RBFOX1: variants seen among roughly 807,000 people sequenced by gnomAD.
The protein encoded by RBFOX1 is RNA binding fox-1 homolog 1.
Under a neutral mutation model 57.7 loss-of-function variants are expected in RBFOX1, and 8 were observed. The observed-to-expected ratio is 0.14, with a 90% CI of 0.08 to 0.25. The LOEUF is 0.25. Ranked by LOEUF, RBFOX1 falls within the 10% of genes least tolerant of loss-of-function variation. The pLI is 1.00. For synonymous variants in RBFOX1, 326 were observed against 222.4 expected, an observed-to-expected ratio of 1.47 and a Z score of -4.15; for missense variants, 611 against 548.5, an observed-to-expected ratio of 1.11 and a Z score of -1.14.
intron 5 of RBFOX1, among the ~76,000 whole-genome samples, chr16:7,565,500 T>TGA (rs1232791230): frequency 1.3e-5 from 2 of 152,192 alleles, no homozygotes; most frequent in African/African-American, 2.4e-5. Context: ...CTCTGCAGAC[T>TGA]GAGAGAGGGG....
intron 1 of RBFOX1, among the ~76,000 whole-genome samples, chr16:6,228,450 C>CAT (rs2097433500): frequency 6.6e-6 from 1 of 151,332 alleles, no homozygotes; most frequent in Non-Finnish European, 1.5e-5. Context: ...CACACACATA[C>CAT]ATATACATGC....
chr16:6,724,156 A>G (rs1256032177), intron 3 of RBFOX1, among the ~76,000 whole-genome samples: 1 of 151,736 alleles, frequency 6.6e-6, no homozygotes, highest in Non-Finnish European at 1.5e-5. Flanking sequence ...GAGGCTTTAC[A>G]GACCTCCTTG....
At chr16:6,918,281 CAAAA>C (rs71147626) in intron 3 of RBFOX1, among the ~76,000 whole-genome samples, 2 of 126,162 alleles carry the variant, frequency 1.6e-5, no homozygotes, top group Non-Finnish European at 1.7e-5. Flanking sequence ...GACTCCATCT[CAAAA>C]AAAAAAAAAA....
At chr16:5,560,838 C>A (rs4786709) in intron 2 of RBFOX1, among the ~76,000 whole-genome samples, 1 of 151,874 alleles carries the variant, frequency 6.6e-6, no homozygotes, top group Non-Finnish European at 1.5e-5. Context: ...TTCACACTGT[C>A]CACCCATCCT....
chr16:7,227,481 T>C (rs2093213025), intron 4 of RBFOX1, among the ~76,000 whole-genome samples: 1 of 152,144 alleles, frequency 6.6e-6, no homozygotes, highest in South Asian at 2.1e-4. Flanking sequence ...TATTCAGGGT[T>C]ATTTATCTAA....
At chr16:6,568,769 CTT>C (rs149457134) in intron 2 of RBFOX1, among the ~76,000 whole-genome samples, 1 of 151,820 alleles carries the variant, frequency 6.6e-6, no homozygotes, top group Non-Finnish European at 1.5e-5. Context: ...GCTTATAACT[CTT>C]TTTTTTATTA....
intron 3 of RBFOX1, among the ~76,000 whole-genome samples, chr16:6,812,190 TC>T (rs2088830468): frequency 6.6e-6 from 1 of 152,176 alleles, no homozygotes; most frequent in Non-Finnish European, 1.5e-5. Flanking sequence ...TTTTTATTTG[TC>T]CTCCTGTTAG....
rs75699704 is a variant in RBFOX1 at position 5,541,275 on chromosome 16, C to T, written c.259-57627C>T. On this transcript the variant is annotated intron_variant, in intron 2 of 2. Coordinates refer to the RBFOX1 transcript ENST00000585867. ...TTGCTCTAATGCTTTGTATTGTGAA[C>T]GCTGAAAATCTGAGACAGGTCTCAG... Among the ~76,000 whole-genome samples, 127 of 152,154 alleles carry T rather than the reference C, an allele frequency of 8.3e-4. 2 individuals are homozygous for T. In the East Asian group the frequency reaches 0.023, roughly 27 times the overall value.
chr16:6,281,664 A>G (rs2076392340), intron 1 of RBFOX1, among the ~76,000 whole-genome samples: 1 of 152,152 alleles, frequency 6.6e-6, no homozygotes, highest in African/African-American at 2.4e-5. Flanking sequence ...CAAAAACCTC[A>G]GTTACTTTTG....
intron 3 of RBFOX1, among the ~76,000 whole-genome samples, chr16:6,696,221 G>C (rs2061019580): frequency 6.6e-6 from 1 of 152,026 alleles, no homozygotes; most frequent in South Asian, 2.1e-4. Context: ...TTAAATTGAG[G>C]TATACAATAT....
intron 1 of RBFOX1, among the ~76,000 whole-genome samples, chr16:5,465,569 A>G (rs376678112): frequency 1.3e-5 from 2 of 152,090 alleles, no homozygotes; most frequent in Non-Finnish European, 2.9e-5. Context: ...TCAAATTGTG[A>G]CTGTAGGTCA....
At chr16:5,522,114 T>G (rs1041660565) in intron 2 of RBFOX1, among the ~76,000 whole-genome samples, 1 of 152,242 alleles carries the variant, frequency 6.6e-6, no homozygotes, top group African/African-American at 2.4e-5. Flanking sequence ...TGGAGTAAGC[T>G]CATGCTCCTT....
intron 1 of RBFOX1, among the ~76,000 whole-genome samples, chr16:5,453,621 G>T (rs1430517482): frequency 6.6e-6 from 1 of 152,154 alleles, no homozygotes; most frequent in African/African-American, 2.4e-5. Context: ...CATAGGCAGA[G>T]CTCTTAGAAT....
At chr16:6,968,821 G>GTT (rs111367350) in intron 3 of RBFOX1, among the ~76,000 whole-genome samples, 2,872 of 142,052 alleles carry the variant, frequency 0.02, 98 homozygotes, top group African/African-American at 0.069. Context: ...AGGTTTTTTT[G>GTT]TTTTTTTTTT....
chr16:6,902,858 A>T (rs779484791), intron 3 of RBFOX1, among the ~76,000 whole-genome samples: 1 of 152,336 alleles, frequency 6.6e-6, no homozygotes, highest in Middle Eastern at 3.4e-3. Context: ...TTATTTATTT[A>T]TAGATTGTTT....
intron 3 of RBFOX1, among the ~76,000 whole-genome samples, chr16:5,721,525 C>T (rs890012611): frequency 6.6e-6 from 1 of 152,154 alleles, no homozygotes; most frequent in Non-Finnish European, 1.5e-5. Flanking sequence ...GATGACAGTA[C>T]CCACCTTTGT....
intron 2 of RBFOX1, among the ~76,000 whole-genome samples, chr16:6,541,370 A>G (rs565262888): frequency 6.6e-6 from 1 of 152,306 alleles, no homozygotes; most frequent in Admixed American, 6.5e-5. Context: ...AATGCCAGAC[A>G]CTGTTCTAAA....
chr16:6,079,357 G>A (rs13331223), intron 1 of RBFOX1, among the ~76,000 whole-genome samples: 105,456 of 152,062 alleles, frequency 0.69, 37,145 homozygotes, highest in Non-Finnish European at 0.77. Flanking sequence ...TGTTTGCCAG[G>A]TTGGAGTGTG....
At chr16:5,271,848 T>C (rs556758595) in intron 1 of RBFOX1, among the ~76,000 whole-genome samples, 2 of 152,212 alleles carry the variant, frequency 1.3e-5, no homozygotes, top group African/African-American at 2.4e-5. Context: ...AATCATGCAG[T>C]ATTTGTCTTT....
Sources: allele counts gnomAD v4.1 joint callset (sites outside exome capture counted in the v4.1 genomes callset), GRCh38; gene constraint gnomAD v4.1.1; transcripts MANE v1.5; gene names NCBI Gene and HGNC (gene_info 2026-07-23, HGNC 2026-07-21).